Variants in LYSMD4 observed in about 807,000 individuals in gnomAD.
The protein encoded by LYSMD4 is lysM and putative peptidoglycan-binding domain-containing protein 4.
Under a neutral mutation model 6.1 loss-of-function variants are expected in LYSMD4, and 9 were observed. That is an observed-to-expected ratio of 1.47 (90% CI 0.88 to 2.56). LYSMD4 has a LOEUF of 2.56. LYSMD4 is among the 30% of genes most tolerant of loss of function. LYSMD4 has a pLI of 0.00. For missense variants in LYSMD4, 384 were observed against 373.5 expected (o/e 1.03, Z -0.23); for synonymous variants, 143 against 148.5 (o/e 0.96, Z 0.27).
chr15:99,729,543 C>T lies in LYSMD4; in HGVS notation c.471G>A (p.Ala157=), dbSNP rs753557913. ...GTTGGCCGGCCTGGGCACCGGTGCC[C>T]GCGCCTGCTCTGTCTGCCTCTGGCA... ...VELPEADRAG[A]GTGAQAGQLM... The change falls in exon 3 of 3, where the codon GCG becomes GCA. Residue 157 remains alanine, a synonymous_variant. Coordinates refer to ENST00000684762, the MANE Select transcript of LYSMD4 (RefSeq NM_001284417.2). 4.1e-5 allele frequency: 66 copies of T among 1,614,100 alleles called. 1 individual carries two copies. In the South Asian group the frequency reaches 4.4e-4, roughly 11 times the overall value.
In LYSMD4 at chr15:99,729,664, T is replaced by C. The variant is rs78073940; in HGVS notation, c.350A>G (p.Lys117Arg). ...EQDLYALKSVKIPVRNHGILM... is the reference protein window; with the variant it reads ...EQDLYALKSVRIPVRNHGILM... ...GATCCCATGGTTTCTCACTGGAATC[T>C]TAACAGATTTCAAAGCATATAAGTC... is the stretch of plus-strand genomic sequence containing the variant. The change falls in exon 3 of 3, where the codon AAG (lysine) becomes AGG (arginine). Residue 117 changes from lysine to arginine, a missense_variant. Transcript: ENST00000684762. 6.2e-7 allele frequency: 1 copy of C among 1,614,020 alleles called. No homozygotes were observed. The highest frequency in any genetic ancestry group is 8.5e-7 in the Non-Finnish European group (1 of 1,179,962).
At chr15:99,731,081 G>T in intron 2 of LYSMD4, 1 of 1,200,378 alleles carries the variant, frequency 8.3e-7, no homozygotes, top group Non-Finnish European at 1.2e-6. Context: ...CCCTAGAGAA[G>T]GCCATACAAA....
At chr15:99,731,281 A>G in intron 2 of LYSMD4, 1 of 1,600,306 alleles carries the variant, frequency 6.2e-7, no homozygotes, top group East Asian at 2.2e-5. Context: ...AGAGAAGGTA[A>G]AACTTTACCA....
chr15:99,715,770 C>T (rs1228579292), exon 1 of LYSMD4: 3 of 152,164 alleles, frequency 2.0e-5, no homozygotes, highest in Admixed American at 6.5e-5. Context: ...GGTTAAAGTA[C>T]AGTTTCCAAC....
chr15:99,730,459 C>T (rs987005549), intron 2 of LYSMD4, among the ~76,000 whole-genome samples: 6 of 152,170 alleles, frequency 3.9e-5, no homozygotes, highest in African/African-American at 1.2e-4. Context: ...GGTAACCCCT[C>T]CCTCAAACTA....
chr15:99,716,352 A>T (rs1412503686), exon 1 of LYSMD4: 2 of 352,096 alleles, frequency 5.7e-6, no homozygotes, highest in African/African-American at 4.3e-5. Context: ...TTTTTCCCTG[A>T]ATGTGTTGTT....
exon 1 of LYSMD4, chr15:99,717,474 T>G (rs1263365315): frequency 1.5e-5 from 2 of 132,284 alleles, no homozygotes; most frequent in African/African-American, 5.7e-5. Flanking sequence ...GGAAGAGGAG[T>G]GTTTCTTCCC....
downstream of LYSMD4, among the ~76,000 whole-genome samples, chr15:99,726,587 C>T (rs1265724432): frequency 4.6e-5 from 7 of 152,026 alleles, no homozygotes; most frequent in Non-Finnish European, 8.8e-5. Flanking sequence ...CCACACCTTC[C>T]TCACCTCTGC....
At chr15:99,726,396 G>A (rs911734587), downstream of LYSMD4, among the ~76,000 whole-genome samples, 2 of 152,006 alleles carry the variant, frequency 1.3e-5, no homozygotes, top group South Asian at 4.2e-4. Flanking sequence ...CATCCGCCTC[G>A]GCCTTCCAAA....
In LYSMD4 at chr15:99,729,721, A is replaced by AT; in HGVS notation, c.292dup (p.Ile98AsnfsTer20). ...TCTGATGAAGTTGTTGACTTTCTTG[A>AT]TATCTGCAACCTAGGAAGGCACGAA... is the stretch of plus-strand genomic sequence containing the variant. On this transcript the variant is annotated frameshift_variant, in exon 3 of 3. Coordinates refer to ENST00000684762, the MANE Select transcript of LYSMD4 (RefSeq NM_001284417.2). LOFTEE classifies it low-confidence loss of function (END_TRUNC). The AT allele has an allele frequency of 1.2e-6, 2 of 1,607,144 alleles. No homozygotes were observed. The highest frequency in any genetic ancestry group is 1.1e-5 in the South Asian group (1 of 90,908).
In LYSMD4 at chr15:99,729,209, C is replaced by A; in HGVS notation, c.805G>T (p.Gly269Trp). The stretch of plus-strand genomic sequence containing the variant: ...GCAACTGCTAGTCTGGGGGCTTGCC[C>A]TGGAACTGTACCCATTGCCATCGAG... ...NGSMAMGTVP[G>W]QAPRLAVAVP... The change falls in exon 3 of 3, where the codon GGG becomes TGG. Residue 269 changes from glycine (G) to tryptophan (W), a missense_variant. Transcript: ENST00000684762. 6.2e-7 allele frequency: 1 copy of A among 1,614,226 alleles called. No individual in the cohort carries two copies. The highest frequency in any genetic ancestry group is 2.2e-5 in the East Asian group (1 of 44,886).
chr15:99,732,422 A>G (rs562893274), intron 1 of LYSMD4, among the ~76,000 whole-genome samples: 1 of 152,358 alleles, frequency 6.6e-6, no homozygotes, highest in East Asian at 1.9e-4. Flanking sequence ...TTTGTATTCA[A>G]TATTTTACAC....
downstream of LYSMD4, among the ~76,000 whole-genome samples, chr15:99,725,903 G>C (rs535030972): frequency 3.5e-4 from 53 of 152,170 alleles, 1 homozygote; most frequent in Non-Finnish European, 4.4e-5. Context: ...CTGTGTGGTC[G>C]TAAGCAGCTT....
chr15:99,729,646 T>A lies in LYSMD4; in HGVS notation c.368A>T (p.His123Leu), dbSNP rs150937647. 1,427 of 1,614,170 alleles carry A rather than the reference T, an allele frequency of 8.8e-4. 14 individuals are homozygous for A. In the African/African-American group the frequency reaches 0.014, roughly 15 times the overall value. The change falls in exon 3 of 3, where the codon CAT becomes CTT. Residue 123 changes from histidine to leucine, a missense_variant. Transcript: ENST00000684762. ...LKSVKIPVRNHGILMETHKEL... is the reference protein window; with the variant it reads ...LKSVKIPVRNLGILMETHKEL... Reference sequence around the variant, plus strand: ...TTTGTGGGTCTCCATCAGGATCCCATGGTTTCTCACTGGAATCTTAACAGA... The same window carrying A: ...TTTGTGGGTCTCCATCAGGATCCCAAGGTTTCTCACTGGAATCTTAACAGA...
At chr15:99,730,901 A>T (rs143264893) in intron 2 of LYSMD4, among the ~76,000 whole-genome samples, 3 of 152,220 alleles carry the variant, frequency 2.0e-5, no homozygotes, top group Non-Finnish European at 4.4e-5. Flanking sequence ...TATCGGAGCC[A>T]AATATAATTG....
At chr15:99,724,182 G>C (rs1318447297), downstream of LYSMD4, among the ~76,000 whole-genome samples, 1 of 150,936 alleles carries the variant, frequency 6.6e-6, no homozygotes, top group Non-Finnish European at 1.5e-5. Context: ...TGTTTTATTA[G>C]CCACTTGTCA....
At chr15:99,731,080 A>C (rs1340793169) in intron 2 of LYSMD4, 4 of 1,181,440 alleles carry the variant, frequency 3.4e-6, no homozygotes, top group East Asian at 2.3e-5. Context: ...CCCCTAGAGA[A>C]GGCCATACAA....
At chr15:99,722,415 C>T (rs1480182568), downstream of LYSMD4, among the ~76,000 whole-genome samples, 3 of 152,166 alleles carry the variant, frequency 2.0e-5, no homozygotes, top group South Asian at 2.1e-4. Flanking sequence ...TCCAAGTAAC[C>T]ATGCCCCAGG....
At chr15:99,721,859 G>A (rs1301042345), upstream of LYSMD4, among the ~76,000 whole-genome samples, 1 of 152,202 alleles carries the variant, frequency 6.6e-6, no homozygotes, top group East Asian at 1.9e-4. Context: ...AAATAAACCA[G>A]GTGAAACTGA....
Sources: allele counts gnomAD v4.1 joint callset (sites outside exome capture counted in the v4.1 genomes callset), GRCh38; gene constraint gnomAD v4.1.1; transcripts MANE v1.5; gene names NCBI Gene and HGNC (gene_info 2026-07-23, HGNC 2026-07-21).